Variants in MTSS2 observed in about 807,000 individuals in gnomAD.
MTSS2 encodes MTSS I-BAR domain containing 2.
Under a neutral mutation model 67.1 loss-of-function variants are expected in MTSS2, and 27 were observed. The ratio of observed to expected loss-of-function variants is 0.40; its 90% CI spans 0.30 to 0.55. MTSS2 has a LOEUF of 0.55. Among genes scored for constraint, MTSS2 ranks in the 20% least tolerant of loss-of-function variants. MTSS2 has a pLI of 0.43. For synonymous variants in MTSS2, 624 were observed against 468.6 expected (o/e 1.33, Z -4.28); for missense variants, 1,171 against 1,067.8 (o/e 1.10, Z -1.35).
intron 5 of MTSS2, 40 bp downstream of exon 5, chr16:70,679,746 G>A (rs371821094): frequency 3.7e-6 from 6 of 1,609,986 alleles, no homozygotes; most frequent in South Asian, 1.1e-5. Flanking sequence ...GGGTCCCTGC[G>A]GAGTGGGGGG....
In MTSS2 at chr16:70,680,011, G is replaced by A. The variant is rs777465327; in HGVS notation, c.250C>T (p.Arg84Cys). 1 of 1,540,542 alleles carries A rather than the reference G, an allele frequency of 6.5e-7. No homozygotes were observed. The highest frequency in any genetic ancestry group is 8.7e-7 in the Non-Finnish European group (1 of 1,152,234). ...AGCTTGGTCTCGATGCTGCGGTGGC[G>A]CATGCACATGCGTGTGAGCGCCGAG... is the stretch of plus-strand genomic sequence containing the variant. ...IGSALTRMCM[R>C]HRSIETKLRQ... The change falls in exon 4 of 15, where the codon CGC (arginine) becomes TGC (cysteine). Residue 84 changes from arginine (R) to cysteine (C), a missense_variant. By Grantham distance (180) the Arg-to-Cys change is radical (BLOSUM62 -3). Around this residue, in one of 2 missense-constraint regions of MTSS2, gnomAD observed 247 missense variants for 311.8 expected, o/e 0.79. Coordinates refer to ENST00000338779, the MANE Select transcript of MTSS2 (RefSeq NM_138383.3).
At chr16:70,677,518 G>A (rs537828706) in intron 9 of MTSS2, among the ~76,000 whole-genome samples, 1 of 152,134 alleles carries the variant, frequency 6.6e-6, no homozygotes, top group Non-Finnish European at 1.5e-5. Context: ...TGCCCACATG[G>A]AGCAGGGCAG....
chr16:70,664,803 A>G lies in MTSS2; in HGVS notation c.1306-40T>C, dbSNP rs1206559684. On this transcript the variant is annotated intron_variant, in intron 13 of 14. Transcript: ENST00000338779. ...GTGCAGGCTGAAGCCTTGCGCCCCC[A>G]ATCCCCTCTGCCCAAATTCCAGGCA... is the stretch of plus-strand genomic sequence containing the variant. The G allele has an allele frequency of 1.9e-6, 3 of 1,563,192 alleles. No individual in the cohort carries two copies. In the South Asian group the frequency reaches 3.5e-5, roughly 18 times the overall value.
At chr16:70,678,971 G>A (rs987926054) in intron 7 of MTSS2, among the ~76,000 whole-genome samples, 2 of 152,202 alleles carry the variant, frequency 1.3e-5, no homozygotes, top group African/African-American at 4.8e-5. Flanking sequence ...GAGGCGAGAG[G>A]ATGATGCAGA....
intron 11 of MTSS2, among the ~76,000 whole-genome samples, chr16:70,668,758 G>C (rs948622438): frequency 5.3e-5 from 8 of 152,168 alleles, no homozygotes; most frequent in Non-Finnish European, 1.0e-4. Flanking sequence ...CCACCACTGA[G>C]GACACAGCAA....
At chr16:70,665,902 T>A (rs956893947) in intron 11 of MTSS2, 9 of 193,806 alleles carry the variant, frequency 4.6e-5, no homozygotes, top group Non-Finnish European at 8.5e-5. Flanking sequence ...GGTGTCACAG[T>A]TTTCTCAGAC....
At position 70,661,672 on chromosome 16, in the gene MTSS2, G is replaced by GGAGT. The variant is rs1555507297; in HGVS notation, c.*2001_*2004dup. The stretch of plus-strand genomic sequence containing the variant: ...TGGTCTCAGGGATGGACAAGGGGAT[G>GGAGT]GAGTAGAGTATGTACAGCCCCCGGG... On this transcript the variant is annotated 3_prime_UTR_variant, in exon 15 of 15. Transcript: ENST00000338779. 2 of 328,076 alleles carry GGAGT rather than the reference G, an allele frequency of 6.1e-6. No homozygotes were observed. The highest frequency in any genetic ancestry group is 1.2e-5 in the Non-Finnish European group (2 of 169,430). The allele number at this position is 328,076 out of a possible 1,614,324, so 20.3% of individuals were successfully genotyped here.
In MTSS2 at chr16:70,661,214, A is replaced by G. The variant is rs2052451142; in HGVS notation, c.*2463T>C. 1 of 453,722 alleles carries G rather than the reference A, an allele frequency of 2.2e-6. No homozygotes were observed. The highest frequency in any genetic ancestry group is 1.6e-5 in the South Asian group (1 of 64,132). 28.1% of individuals were successfully genotyped at this position (453,722 alleles called of 1,614,324 possible). A position where few individuals can be genotyped will look rare whatever the true frequency, so the allele number is the denominator to read the frequency against. On this transcript the variant is annotated 3_prime_UTR_variant, in exon 15 of 15. Transcript: ENST00000338779. The stretch of plus-strand genomic sequence containing the variant: ...AGGCAGAGGCAGGGGTGTTAATTAC[A>G]GTACACCTTTATTAATACTGGAATC...
chr16:70,680,058 G>A lies in MTSS2; in HGVS notation c.206-3C>T, dbSNP rs775327774. On this transcript the variant is annotated splice_polypyrimidine_tract_variant and splice_region_variant and intron_variant, in intron 3 of 14. Transcript: ENST00000338779. Reference sequence around the variant, plus strand: ...CGAGCCGATGTCCCTCGTGGCCCCTGGCGAGGCAAGCGCGGGGTGGGAAGG... The same window carrying A: ...CGAGCCGATGTCCCTCGTGGCCCCTAGCGAGGCAAGCGCGGGGTGGGAAGG... The A allele has an allele frequency of 6.6e-7, 1 of 1,514,844 alleles. No homozygotes were observed. Among genetic ancestry groups the A allele is most frequent in the South Asian group, 1.2e-5 (1 of 82,770 alleles). The allele number at this position is 1,514,844 out of a possible 1,614,324, so 93.8% of individuals were successfully genotyped here.
rs371101298 is a variant in MTSS2, at chr16:70,664,590, G to A, written c.1471+8C>T. On this transcript the variant is annotated splice_region_variant and intron_variant, in intron 14 of 14. Transcript: ENST00000338779. ...GTCCCTGGTCCCACCCCAGCCCCGC[G>A]GGCCTGCCTTGGGAGGGGATGGTGT... is the stretch of plus-strand genomic sequence containing the variant. 92 of 1,610,452 alleles carry A rather than the reference G, an allele frequency of 5.7e-5. No individual in the cohort carries two copies. The highest frequency in any genetic ancestry group is 7.3e-5 in the Non-Finnish European group (86 of 1,178,360).
intron 2 of MTSS2, 43 bp from the exon 3 acceptor site, chr16:70,680,910 G>A (rs750131433): frequency 7.3e-6 from 11 of 1,503,214 alleles, no homozygotes; most frequent in South Asian, 1.2e-5. Context: ...TGGTTGGGCG[G>A]GGGGGGGGCC....
At chr16:70,685,648 G>C in intron 1 of MTSS2, 75 bp downstream of exon 1, 1 of 941,750 alleles carries the variant, frequency 1.1e-6, no homozygotes, top group Non-Finnish European at 1.3e-6. Flanking sequence ...ACGAGGCTCG[G>C]CCACCCGCCG....
In MTSS2 at chr16:70,661,910, A is replaced by G. The variant is rs2052489880; in HGVS notation, c.*1767T>C. 1 of 154,022 alleles carries G rather than the reference A, an allele frequency of 6.5e-6. No homozygotes were observed. The highest frequency in any genetic ancestry group is 2.4e-5 in the African/African-American group (1 of 41,396). 9.5% of individuals were successfully genotyped at this position (154,022 alleles called of 1,614,324 possible). Reference sequence around the variant, plus strand: ...GCCCTGGGGAGAATGTGTGGCGGAAATTCTACCCAAGACTCCCCAAATAAT... The same window carrying G: ...GCCCTGGGGAGAATGTGTGGCGGAAGTTCTACCCAAGACTCCCCAAATAAT... On this transcript the variant is annotated 3_prime_UTR_variant, in exon 15 of 15. Coordinates refer to ENST00000338779, the MANE Select transcript of MTSS2 (RefSeq NM_138383.3).
chr16:70,667,970 C>T (rs924568914), intron 11 of MTSS2, among the ~76,000 whole-genome samples: 1 of 140,318 alleles, frequency 7.1e-6, no homozygotes, highest in Non-Finnish European at 1.6e-5. Context: ...CATTCAAATC[C>T]CAGGAGTTTT....
At position 70,685,928 on chromosome 16, in the gene MTSS2, C is replaced by T; in HGVS notation, c.-137G>A. On this transcript the variant is annotated 5_prime_UTR_variant, in exon 1 of 15. Coordinates refer to ENST00000338779, the MANE Select transcript of MTSS2 (RefSeq NM_138383.3). The stretch of plus-strand genomic sequence containing the variant: ...CCGCCTCCAGGCTGCGCTCAGCGGC[C>T]GGCCGCGCCGCGCTCCGGGGTCGCG... The T allele has an allele frequency of 3.9e-6, 1 of 253,900 alleles. No homozygotes were observed. The highest frequency in any genetic ancestry group is 6.0e-6 in the Non-Finnish European group (1 of 166,346). The allele number at this position is 253,900 out of a possible 1,614,324, so 15.7% of individuals were successfully genotyped here.
chr16:70,665,669 C>T, intron 11 of MTSS2, 129 bp from the exon 12 acceptor site: 1 of 726,450 alleles, frequency 1.4e-6, no homozygotes, highest in Non-Finnish European at 2.2e-6. Context: ...CCTTGCCCAG[C>T]ACCCACCCCC....
At position 70,662,847 on chromosome 16, in the gene MTSS2, T is replaced by G. The variant is rs945118169; in HGVS notation, c.*830A>C. The G allele has an allele frequency of 5.9e-5, 9 of 152,432 alleles. No homozygotes were observed. Among genetic ancestry groups the G allele is most frequent in the Admixed American group, 3.3e-4 (5 of 15,288 alleles). The allele number at this position is 152,432 out of a possible 1,614,324, so 9.4% of individuals were successfully genotyped here. On this transcript the variant is annotated 3_prime_UTR_variant, in exon 15 of 15. Coordinates refer to ENST00000338779, the MANE Select transcript of MTSS2 (RefSeq NM_138383.3). Reference sequence around the variant, plus strand: ...GTGACCCCCAAAGTTAAAAGATTGATGTACCCAATGAGAAGTGGACATCTG... The same window carrying G: ...GTGACCCCCAAAGTTAAAAGATTGAGGTACCCAATGAGAAGTGGACATCTG...
At chr16:70,667,785 A>C (rs1039457987) in intron 11 of MTSS2, among the ~76,000 whole-genome samples, 1 of 152,180 alleles carries the variant, frequency 6.6e-6, no homozygotes, top group Admixed American at 6.5e-5. Context: ...AGGCACGAGA[A>C]TAGCTTGAAC....
intron 11 of MTSS2, among the ~76,000 whole-genome samples, chr16:70,668,858 G>A (rs965192848): frequency 1.3e-5 from 2 of 152,152 alleles, no homozygotes; most frequent in African/African-American, 2.4e-5. Context: ...CTCCAGAACT[G>A]TGAGCGCTAC....
Sources: gnomAD v4.1 joint callset for allele counts (sites outside exome capture counted in the v4.1 genomes callset) on GRCh38, gnomAD v4.1.1 for gene constraint, gnomAD v4.1.1 regional missense constraint, MANE v1.5 for transcripts, NCBI Gene and HGNC (gene_info 2026-07-23, HGNC 2026-07-21) for gene names.